The following IGSF21 variants were observed in gnomAD, a reference collection of about 807,000 sequenced individuals.
IGSF21 encodes immunoglobulin superfamily member 21.
IGSF21 carries 28 observed loss-of-function variants against 46.8 expected under a neutral mutation model. That is an observed-to-expected ratio of 0.60 (90% confidence interval 0.44 to 0.82). IGSF21 has a LOEUF of 0.82. Among genes scored for constraint, IGSF21 ranks in the 40% least tolerant of loss-of-function variants. The probability of loss-of-function intolerance (pLI) is 0.00; values close to 1 mark genes in which losing one functional copy is unlikely to be tolerated. For missense variants in IGSF21, 624 were observed against 665.5 expected (o/e 0.94, Z 0.69); for synonymous variants, 284 against 273.6 (o/e 1.04, Z -0.38).
rs1324611384 is a variant in IGSF21 at position 18,376,904 on chromosome 1, T to C, written c.1206T>C (p.Val402=). ...FDGKELVLER[V]PAELNGSMYR... ...GGAAGGAGCTGGTGCTGGAGCGGGTTCCCGCCGAGCTCAATGGCTCCATGT... is the reference window on the plus strand; with the variant it reads ...GGAAGGAGCTGGTGCTGGAGCGGGTCCCCGCCGAGCTCAATGGCTCCATGT... Residue 402 remains valine (V), a synonymous_variant, in exon 8 of 10, where the codon GTT becomes GTC. Transcript: ENST00000251296. 6 of 1,612,800 alleles carry C rather than the reference T, an allele frequency of 3.7e-6. No individual in the cohort carries two copies. In the East Asian group the frequency reaches 1.3e-4, roughly 36 times the overall value.
chr1:18,223,907 C>G (rs1185786441), intron 1 of IGSF21, among the ~76,000 whole-genome samples: 1 of 152,178 alleles, frequency 6.6e-6, no homozygotes, highest in Non-Finnish European at 1.5e-5. Context: ...AAGGGGAGTG[C>G]CCAGCTACGA....
chr1:18,271,249 G>C (rs1270709109), intron 2 of IGSF21, among the ~76,000 whole-genome samples: 1 of 152,086 alleles, frequency 6.6e-6, no homozygotes, highest in Admixed American at 6.6e-5. Context: ...ACAAAGTACT[G>C]TATTGACACT....
intron 1 of IGSF21, among the ~76,000 whole-genome samples, chr1:18,203,298 T>TTTTTG (rs1314155651): frequency 5.3e-5 from 8 of 152,144 alleles, no homozygotes; most frequent in African/African-American, 9.6e-5. Flanking sequence ...TAACTAATTG[T>TTTTTG]TTTTGTTTTG....
chr1:18,321,136 A>G (rs2085596559), intron 3 of IGSF21, among the ~76,000 whole-genome samples: 1 of 152,068 alleles, frequency 6.6e-6, no homozygotes, highest in Non-Finnish European at 1.5e-5. Context: ...TATTGGAGGG[A>G]CCCATATGAT....
At chr1:18,192,433 C>G (rs1265453462) in intron 1 of IGSF21, among the ~76,000 whole-genome samples, 1 of 152,234 alleles carries the variant, frequency 6.6e-6, no homozygotes, top group Non-Finnish European at 1.5e-5. Context: ...GTACTCGAGT[C>G]TGTATATCTG....
intron 1 of IGSF21, among the ~76,000 whole-genome samples, chr1:18,207,563 C>A (rs891024183): frequency 1.3e-5 from 2 of 152,330 alleles, no homozygotes; most frequent in Admixed American, 6.5e-5. Context: ...TTATTGCACT[C>A]CCTCAAAGAG....
intron 6 of IGSF21, among the ~76,000 whole-genome samples, chr1:18,374,528 T>C (rs906621588): frequency 6.6e-6 from 1 of 151,858 alleles, no homozygotes; most frequent in African/African-American, 2.4e-5. Flanking sequence ...CCAGTGGCCC[T>C]TCCACACGAC....
intron 3 of IGSF21, among the ~76,000 whole-genome samples, chr1:18,327,292 A>G (rs1398580227): frequency 6.6e-6 from 1 of 152,220 alleles, no homozygotes; most frequent in Non-Finnish European, 1.5e-5. Flanking sequence ...GGGCAAAAAG[A>G]CAAAAACTCA....
chr1:18,212,047 C>A (rs961471088), intron 1 of IGSF21, among the ~76,000 whole-genome samples: 2 of 152,172 alleles, frequency 1.3e-5, no homozygotes, highest in African/African-American at 4.8e-5. Context: ...TTGCTGGGAG[C>A]AGCTGATGGG....
intron 2 of IGSF21, 74 bp downstream of exon 2, chr1:18,228,084 C>T: frequency 1.7e-6 from 2 of 1,173,288 alleles, no homozygotes; most frequent in East Asian, 2.4e-5. Context: ...CTCTGGACAC[C>T]CTCACTGGTG....
chr1:18,295,872 G>A (rs1205112318), intron 3 of IGSF21, among the ~76,000 whole-genome samples: 1 of 152,160 alleles, frequency 6.6e-6, no homozygotes, highest in East Asian at 1.9e-4. Flanking sequence ...CCCTCCAGGG[G>A]GACAGTTCAG....
chr1:18,208,724 A>G (rs557563946), intron 1 of IGSF21, among the ~76,000 whole-genome samples: 2 of 152,026 alleles, frequency 1.3e-5, no homozygotes, highest in South Asian at 2.1e-4. Context: ...CTTAATACCA[A>G]TAACAGACTT....
At position 18,227,407 on chromosome 1, in the gene IGSF21, C is replaced by T. The variant is rs147920213; in HGVS notation, c.71-491C>T. ...GGGGCTTAAGGGGTGGCTGAGCGACCCATATTCAAATAGGTTTGGAAATGC... is the reference window on the plus strand; with the variant it reads ...GGGGCTTAAGGGGTGGCTGAGCGACTCATATTCAAATAGGTTTGGAAATGC... On this transcript the variant is annotated intron_variant, in intron 1 of 9. Transcript: ENST00000251296. Among the ~76,000 whole-genome samples the T allele has an allele frequency of 6.4e-4, 97 of 151,966 alleles. No individual in the cohort carries two copies. The East Asian group carries it at 0.015, about 24-fold the overall frequency.
At chr1:18,146,748 C>T (rs2124430081) in intron 1 of IGSF21, among the ~76,000 whole-genome samples, 1 of 152,254 alleles carries the variant, frequency 6.6e-6, no homozygotes, top group South Asian at 2.1e-4. Flanking sequence ...TCTCCCCAGC[C>T]TTTCTTCCAC....
chr1:18,294,629 T>C (rs1180332098), intron 3 of IGSF21, among the ~76,000 whole-genome samples: 1 of 152,164 alleles, frequency 6.6e-6, no homozygotes, highest in African/African-American at 2.4e-5. Flanking sequence ...GGCCCTGACT[T>C]AAGCCTGATA....
chr1:18,353,779 A>C (rs889935389), intron 4 of IGSF21, among the ~76,000 whole-genome samples: 1 of 152,198 alleles, frequency 6.6e-6, no homozygotes, highest in African/African-American at 2.4e-5. Flanking sequence ...AAAGAGAAAA[A>C]TGTCTCAGTG....
intron 2 of IGSF21, among the ~76,000 whole-genome samples, chr1:18,267,164 T>C (rs1557615056): frequency 6.6e-6 from 1 of 152,164 alleles, no homozygotes; most frequent in African/African-American, 2.4e-5. Context: ...GGTTGTCTAA[T>C]AGGTGAGGCA....
intron 2 of IGSF21, among the ~76,000 whole-genome samples, chr1:18,242,490 A>T (rs899874898): frequency 2.0e-5 from 3 of 152,222 alleles, no homozygotes; most frequent in Non-Finnish European, 4.4e-5. Flanking sequence ...AAAGTGGTAG[A>T]GTAACTCAAA....
chr1:18,173,473 A>C (rs936043550), intron 1 of IGSF21, among the ~76,000 whole-genome samples: 1 of 152,152 alleles, frequency 6.6e-6, no homozygotes, highest in Non-Finnish European at 1.5e-5. Context: ...GACCTTTTGG[A>C]ATCTCCTGCA....
Sources: allele counts gnomAD v4.1 joint callset (sites outside exome capture counted in the v4.1 genomes callset), GRCh38; gene constraint gnomAD v4.1.1; transcripts MANE v1.5; gene names NCBI Gene and HGNC (gene_info 2026-07-23, HGNC 2026-07-21).